The following AUTS2 variants were observed in gnomAD, a reference collection of about 807,000 sequenced individuals.
The protein encoded by AUTS2 is activator of transcription and developmental regulator AUTS2, also known as autism susceptibility gene 2 protein.
AUTS2 carries 17 observed loss-of-function variants against 112.4 expected under a neutral mutation model. That is an observed-to-expected ratio of 0.15 (90% CI 0.10 to 0.23). The LOEUF is 0.23. AUTS2 is among the 10% of genes least tolerant of loss of function. AUTS2 has a pLI of 1.00. For missense variants in AUTS2, 1,510 were observed against 1,701.6 expected, an observed-to-expected ratio of 0.89 and a Z score of 1.98; for synonymous variants, 751 against 702.7, an observed-to-expected ratio of 1.07 and a Z score of -1.09.
At chr7:69,962,275 C>T (rs1296762666) in intron 2 of AUTS2, among the ~76,000 whole-genome samples, 1 of 152,122 alleles carries the variant, frequency 6.6e-6, no homozygotes, top group Non-Finnish European at 1.5e-5. Flanking sequence ...TAATTCTGTT[C>T]TTGGCAGTGG....
chr7:70,262,726 TCTCTTG>T (rs1787229094), intron 4 of AUTS2, among the ~76,000 whole-genome samples: 1 of 152,204 alleles, frequency 6.6e-6, no homozygotes, highest in Non-Finnish European at 1.5e-5. Context: ...TGACAAGTGA[TCTCTTG>T]AATTAAAACC....
intron 4 of AUTS2, among the ~76,000 whole-genome samples, chr7:70,296,553 A>C (rs1194736766): frequency 6.6e-6 from 1 of 152,158 alleles, no homozygotes; most frequent in Non-Finnish European, 1.5e-5. Context: ...GCATCTTCCC[A>C]CATCGTGAGA....
At chr7:70,541,043 A>G (rs1043325428) in intron 5 of AUTS2, among the ~76,000 whole-genome samples, 5 of 151,996 alleles carry the variant, frequency 3.3e-5, no homozygotes, top group African/African-American at 7.3e-5. Flanking sequence ...CACTGGTGCT[A>G]CCCCTTCCTG....
intron 5 of AUTS2, among the ~76,000 whole-genome samples, chr7:70,583,643 T>A (rs967909344): frequency 6.6e-6 from 1 of 152,090 alleles, no homozygotes; most frequent in Non-Finnish European, 1.5e-5. Context: ...TGGTGGACAG[T>A]GAGTGAAGAA....
chr7:70,541,727 A>G (rs1800560257), intron 5 of AUTS2, among the ~76,000 whole-genome samples: 1 of 152,224 alleles, frequency 6.6e-6, no homozygotes, highest in Non-Finnish European at 1.5e-5. Flanking sequence ...TGCTTTTCCA[A>G]TCCAGGGTGA....
At chr7:69,634,125 A>ATT (rs1349228605) in intron 1 of AUTS2, among the ~76,000 whole-genome samples, 1 of 149,416 alleles carries the variant, frequency 6.7e-6, no homozygotes. Flanking sequence ...CTTGATTATT[A>ATT]TTTTTTTTTT....
At chr7:69,763,317 C>T (rs991398963) in intron 1 of AUTS2, among the ~76,000 whole-genome samples, 2 of 151,982 alleles carry the variant, frequency 1.3e-5, no homozygotes, top group Admixed American at 6.6e-5. Context: ...CTTGGGATCT[C>T]AGTTTCCTCT....
At chr7:70,114,328 A>G (rs749085832) in intron 2 of AUTS2, among the ~76,000 whole-genome samples, 46 of 152,346 alleles carry the variant, frequency 3.0e-4, no homozygotes, top group Non-Finnish European at 4.7e-4. Flanking sequence ...ATACAAATCA[A>G]TGCAAGCAGA....
intron 2 of AUTS2, among the ~76,000 whole-genome samples, chr7:69,996,567 C>CCCCACTG (rs1294655051): frequency 6.6e-6 from 1 of 152,150 alleles, no homozygotes; most frequent in Non-Finnish European, 1.5e-5. Flanking sequence ...ACACTGTCCT[C>CCCCACTG]CCCACTGCCC....
chr7:70,684,209 AT>A (rs1808343884), intron 5 of AUTS2, among the ~76,000 whole-genome samples: 2 of 151,944 alleles, frequency 1.3e-5, no homozygotes, highest in African/African-American at 4.8e-5. Context: ...TACCCTAAAG[AT>A]TATTAATACT....
At chr7:70,710,164 C>G (rs1003579741) in intron 6 of AUTS2, among the ~76,000 whole-genome samples, 1 of 146,756 alleles carries the variant, frequency 6.8e-6, no homozygotes, top group Non-Finnish European at 1.5e-5. Context: ...TTCCTTTGTA[C>G]TTGACTTCTC....
intron 2 of AUTS2, among the ~76,000 whole-genome samples, chr7:70,058,257 C>T (rs559423831): frequency 1.8e-4 from 28 of 152,208 alleles, no homozygotes; most frequent in African/African-American, 6.7e-4. Context: ...ATCAGTGGAG[C>T]CAGCTGTGTA....
At chr7:70,028,384 A>T (rs1191930012) in intron 2 of AUTS2, among the ~76,000 whole-genome samples, 3 of 152,208 alleles carry the variant, frequency 2.0e-5, no homozygotes, top group Non-Finnish European at 4.4e-5. Flanking sequence ...TGGCAGGTCC[A>T]GTGTCCTGGT....
At chr7:70,456,274 AG>A (rs1318880588) in intron 5 of AUTS2, among the ~76,000 whole-genome samples, 3 of 152,166 alleles carry the variant, frequency 2.0e-5, no homozygotes, top group African/African-American at 7.2e-5. Flanking sequence ...CACACCTAAA[AG>A]CTTTTACTTT....
At chr7:69,895,227 A>G (rs1010700111) in intron 1 of AUTS2, among the ~76,000 whole-genome samples, 5 of 152,158 alleles carry the variant, frequency 3.3e-5, no homozygotes, top group African/African-American at 1.2e-4. Context: ...AATGCTTATA[A>G]TGGATAGTTT....
intron 1 of AUTS2, among the ~76,000 whole-genome samples, chr7:69,606,481 CATTTT>C (rs1350829500): frequency 6.6e-6 from 1 of 152,168 alleles, no homozygotes; most frequent in Non-Finnish European, 1.5e-5. Context: ...AGTGGCTTTA[CATTTT>C]ATTTTATTTT....
chr7:70,632,933 C>A (rs1006981914), intron 5 of AUTS2, among the ~76,000 whole-genome samples: 1 of 152,034 alleles, frequency 6.6e-6, no homozygotes, highest in Non-Finnish European at 1.5e-5. Context: ...CACATTGGTT[C>A]CTCCATATTT....
At chr7:70,220,802 TTC>T (rs1272319051) in intron 4 of AUTS2, among the ~76,000 whole-genome samples, 1 of 152,216 alleles carries the variant, frequency 6.6e-6, no homozygotes, top group Non-Finnish European at 1.5e-5. Flanking sequence ...CCCCAATTCT[TTC>T]TTTCATGTCT....
chr7:70,391,510 C>T (rs1299276947), intron 4 of AUTS2, among the ~76,000 whole-genome samples: 1 of 152,132 alleles, frequency 6.6e-6, no homozygotes, highest in Admixed American at 6.5e-5. Context: ...CAGGCCCTCA[C>T]AATAAGAGAG....
Sources: allele counts gnomAD v4.1 joint callset (sites outside exome capture counted in the v4.1 genomes callset), GRCh38; gene constraint gnomAD v4.1.1; transcripts MANE v1.5; gene names NCBI Gene and HGNC (gene_info 2026-07-23, HGNC 2026-07-21).